Variants in SCRN1 observed in about 807,000 individuals in gnomAD.
SCRN1 encodes the protein secernin 1.
SCRN1 carries 19 observed loss-of-function variants against 43.3 expected under a neutral mutation model. The ratio of observed to expected loss-of-function variants is 0.44; its 90% CI spans 0.31 to 0.64. The LOEUF (loss-of-function observed/expected upper bound fraction) is 0.64, where lower values mean the gene tolerates loss of function less well. Ranked by LOEUF, SCRN1 falls within the 30% of genes least tolerant of loss-of-function variation. The probability of loss-of-function intolerance (pLI) is 0.09; values close to 1 mark genes in which losing one functional copy is unlikely to be tolerated. For missense variants in SCRN1, 447 were observed against 524.1 expected, an observed-to-expected ratio of 0.85 and a Z score of 1.44; for synonymous variants, 183 against 188.9, an observed-to-expected ratio of 0.97 and a Z score of 0.26.
Position 29,940,767 on chromosome 7 carries a change from G to A in SCRN1, c.654C>T (p.Gly218=), listed in dbSNP as rs761270639. The change falls in exon 5 of 8, where the codon GGC becomes GGT. Residue 218 remains glycine (G), a synonymous_variant. Coordinates refer to ENST00000242059, the MANE Select transcript of SCRN1 (RefSeq NM_014766.5). ...AAAAGACTTCGGAAAAATTGAACTC[G>A]CCCTCTCCCGTCCACCAACCTTGGC... is the stretch of plus-strand genomic sequence containing the variant. ...AQSQGWWTGE[G]EFNFSEVFSP... 6 of 1,609,776 alleles carry A rather than the reference G, an allele frequency of 3.7e-6. No individual in the cohort carries two copies. The highest frequency in any genetic ancestry group is 2.3e-5 in the East Asian group (1 of 44,380).
intron 7 of SCRN1, 101 bp downstream of exon 7, chr7:29,926,351 G>C: frequency 1.6e-6 from 2 of 1,263,550 alleles, no homozygotes; most frequent in Non-Finnish European, 2.2e-6. Flanking sequence ...CTGGATGGGT[G>C]GGGGTAGGGT....
intron 2 of SCRN1, among the ~76,000 whole-genome samples, chr7:29,959,854 AG>A (rs1788248823): frequency 6.6e-6 from 1 of 151,536 alleles, no homozygotes; most frequent in African/African-American, 2.4e-5. Context: ...CTTGGAAGTG[AG>A]GGAGACACTT....
At chr7:29,931,617 T>A (rs1237145282) in intron 6 of SCRN1, among the ~76,000 whole-genome samples, 6 of 152,336 alleles carry the variant, frequency 3.9e-5, no homozygotes, top group Admixed American at 2.6e-4. Flanking sequence ...CTTTAGAATT[T>A]AGAATTTAAT....
intron 1 of SCRN1, among the ~76,000 whole-genome samples, chr7:29,969,589 T>C (rs957743011): frequency 6.6e-6 from 1 of 152,226 alleles, no homozygotes; most frequent in East Asian, 1.9e-4. Context: ...TCCACCTCGA[T>C]GACATAACAC....
chr7:29,980,322 C>T (rs966738229), intron 1 of SCRN1, among the ~76,000 whole-genome samples: 1 of 152,192 alleles, frequency 6.6e-6, no homozygotes, highest in Non-Finnish European at 1.5e-5. Context: ...ACTGAGCAAG[C>T]CACATCTCAG....
upstream of SCRN1, chr7:29,990,178 G>A (rs1257304078): frequency 1.3e-5 from 20 of 1,551,570 alleles, no homozygotes; most frequent in East Asian, 2.4e-5. Context: ...AATGTGTCCT[G>A]TACCTTGTTG....
chr7:29,933,487 A>T (rs147595087), intron 6 of SCRN1, among the ~76,000 whole-genome samples: 1 of 152,156 alleles, frequency 6.6e-6, no homozygotes, highest in African/African-American at 2.4e-5. Flanking sequence ...CTTCACATCA[A>T]TGAAGCTTTA....
Position 29,955,322 on chromosome 7 carries a change from A to G in SCRN1, c.198T>C (p.Tyr66=). ...AGGCGGGTCTGCTTATCATTATGGCATAGGTCCTTGGAACTTGGTCGATTG... is the reference window on the plus strand; with the variant it reads ...AGGCGGGTCTGCTTATCATTATGGCGTAGGTCCTTGGAACTTGGTCGATTG... ...YISIDQVPRT[Y]AIMISRPAWL... The change falls in exon 3 of 8, where the codon TAT becomes TAC. Residue 66 remains tyrosine, a synonymous_variant. Transcript: ENST00000242059. The G allele has an allele frequency of 6.2e-7, 1 of 1,614,114 alleles. No homozygotes were observed.
Position 29,940,572 on chromosome 7 carries a change from A to G in SCRN1, c.739+110T>C, listed in dbSNP as rs115762953. ...CAGAAGTTGGTCTTTACATACAAGGACTATTCTGTATTCCTTTTTGTTCAC... is the reference window on the plus strand; with the variant it reads ...CAGAAGTTGGTCTTTACATACAAGGGCTATTCTGTATTCCTTTTTGTTCAC... On this transcript the variant is annotated intron_variant, in intron 5 of 7. Transcript: ENST00000242059. 7.9e-4 allele frequency: 803 copies of G among 1,012,558 alleles called. 10 individuals are homozygous for G. The African/African-American group carries it at 0.012, about 15-fold the overall frequency. The allele number at this position is 1,012,558 out of a possible 1,614,324, so 62.7% of individuals were successfully genotyped here.
chr7:29,926,424 C>T lies in SCRN1; in HGVS notation c.1086+28G>A, dbSNP rs200335537. On this transcript the variant is annotated intron_variant, in intron 7 of 7. Coordinates refer to ENST00000242059, the MANE Select transcript of SCRN1 (RefSeq NM_014766.5). Reference sequence around the variant, plus strand: ...GACCTCGCCCGCCCGCCTCCGCCTCCGCCTCTGTGGCCCTCATGCAAGCTC... The same window carrying T: ...GACCTCGCCCGCCCGCCTCCGCCTCTGCCTCTGTGGCCCTCATGCAAGCTC... 115 of 1,603,348 alleles carry T rather than the reference C, an allele frequency of 7.2e-5. 1 individual carries two copies. Among genetic ancestry groups the T allele is most frequent in the South Asian group, 6.8e-4 (62 of 90,696 alleles).
At chr7:29,939,747 A>G (rs1212104839) in intron 5 of SCRN1, among the ~76,000 whole-genome samples, 11 of 152,238 alleles carry the variant, frequency 7.2e-5, no homozygotes, top group Non-Finnish European at 1.6e-4. Context: ...TGCATCACCA[A>G]CAAATATAGA....
chr7:29,929,065 G>T (rs1024265212), intron 6 of SCRN1, among the ~76,000 whole-genome samples: 1 of 152,166 alleles, frequency 6.6e-6, no homozygotes, highest in African/African-American at 2.4e-5. Context: ...ACTACAGACA[G>T]GCGTCCTACC....
rs755771095 is a variant in SCRN1, at chr7:29,936,663, G to A, written c.798C>T (p.Cys266=). The A allele has an allele frequency of 3.1e-5, 50 of 1,601,478 alleles. No homozygotes were observed. The highest frequency in any genetic ancestry group is 4.1e-5 in the Non-Finnish European group (48 of 1,170,240). Reference sequence around the variant, plus strand: ...TGGTGAGGAAAAACTCAGAGTCTATGCACACTCCGCTGGCTTTGTCCCGTA... The same window carrying A: ...TGGTGAGGAAAAACTCAGAGTCTATACACACTCCGCTGGCTTTGTCCCGTA... The part of the protein sequence containing the change: ...NTLRDKASGV[C]IDSEFFLTTA... Residue 266 remains cysteine (C), a synonymous_variant, in exon 6 of 8, where the codon TGC becomes TGT. Transcript: ENST00000242059.
intron 6 of SCRN1, among the ~76,000 whole-genome samples, chr7:29,928,033 G>C (rs1267316744): frequency 1.3e-5 from 2 of 152,198 alleles, no homozygotes; most frequent in African/African-American, 4.8e-5. Flanking sequence ...TGAGGTGGAA[G>C]AGTCGCTGGA....
At chr7:29,947,944 C>T (rs550051218) in intron 3 of SCRN1, among the ~76,000 whole-genome samples, 2 of 152,264 alleles carry the variant, frequency 1.3e-5, no homozygotes, top group East Asian at 1.9e-4. Flanking sequence ...CTGGGTCTTC[C>T]GGTGCCTTGA....
Position 29,921,494 on chromosome 7 carries a change from G to C in SCRN1, c.*2463C>G, listed in dbSNP as rs1016366480. On this transcript the variant is annotated 3_prime_UTR_variant, in exon 8 of 8. Transcript: ENST00000242059. ...GCGCAGCCACATCAGCAGATTCTCT[G>C]CTCTCTTGTCGTCTTTCTCCACCCA... 1 of 151,790 alleles carries C rather than the reference G, an allele frequency of 6.6e-6. No individual in the cohort carries two copies. The highest frequency in any genetic ancestry group is 1.5e-5 in the Non-Finnish European group (1 of 67,934). The allele number at this position is 151,790 out of a possible 1,614,324, so 9.4% of individuals were successfully genotyped here.
intron 6 of SCRN1, among the ~76,000 whole-genome samples, chr7:29,930,435 T>C (rs1787119364): frequency 6.6e-6 from 1 of 152,154 alleles, no homozygotes. Flanking sequence ...ACTCTGACAT[T>C]TTCCCACAGG....
At chr7:29,982,535 T>C (rs2127932457) in intron 1 of SCRN1, among the ~76,000 whole-genome samples, 1 of 151,788 alleles carries the variant, frequency 6.6e-6, no homozygotes, top group East Asian at 1.9e-4. Context: ...AAAAATAAAT[T>C]AGTCAGGTGT....
intron 6 of SCRN1, among the ~76,000 whole-genome samples, chr7:29,935,932 C>T (rs925720118): frequency 5.9e-5 from 9 of 152,184 alleles, no homozygotes; most frequent in African/African-American, 2.2e-4. Flanking sequence ...ACTTATTCAG[C>T]TACTATGTGG....
Sources: gnomAD v4.1 joint callset for allele counts (sites outside exome capture counted in the v4.1 genomes callset) on GRCh38, gnomAD v4.1.1 for gene constraint, MANE v1.5 for transcripts, NCBI Gene and HGNC (gene_info 2026-07-23, HGNC 2026-07-21) for gene names.